PHKB: variants seen among roughly 807,000 people sequenced by gnomAD.
PHKB encodes phosphorylase kinase regulatory subunit beta, also known as phosphorylase b kinase regulatory subunit beta.
A neutral mutation model predicts 152.1 loss-of-function variants in PHKB; 122 were observed. The observed-to-expected ratio is 0.80, with a 90% CI of 0.69 to 0.93. The LOEUF is 0.93. Among genes scored for constraint, PHKB ranks in the 40% least tolerant of loss-of-function variants. PHKB has a pLI of 0.00. For missense variants in PHKB, 1,304 were observed against 1,328.4 expected, an observed-to-expected ratio of 0.98 and a Z score of 0.29; for synonymous variants, 436 against 464.9, an observed-to-expected ratio of 0.94 and a Z score of 0.80.
At chr16:47,567,246 G>C (rs986266214) in intron 7 of PHKB, among the ~76,000 whole-genome samples, 1 of 151,728 alleles carries the variant, frequency 6.6e-6, no homozygotes, top group African/African-American at 2.4e-5. Context: ...TTTTCCATTT[G>C]TGTCATCTTT....
chr16:47,513,005 A>AT (rs1970536217), intron 5 of PHKB, among the ~76,000 whole-genome samples: 1 of 152,240 alleles, frequency 6.6e-6, no homozygotes. Flanking sequence ...TTACATGAAT[A>AT]TGTAGTTTCT....
intron 5 of PHKB, among the ~76,000 whole-genome samples, 190 bp from the exon 6 acceptor site, chr16:47,515,331 T>C (rs184484861): frequency 6.6e-6 from 1 of 152,384 alleles, no homozygotes; most frequent in Admixed American, 6.5e-5. Context: ...TTTGAGAATT[T>C]AGAATTTTAC....
chr16:47,582,671 C>T (rs1404141022), intron 8 of PHKB, among the ~76,000 whole-genome samples: 2 of 152,088 alleles, frequency 1.3e-5, no homozygotes, highest in African/African-American at 2.4e-5. Context: ...TGCTCTAAGC[C>T]GAGTTAATTT....
intron 20 of PHKB, among the ~76,000 whole-genome samples, chr16:47,655,476 G>A (rs1020578602): frequency 6.6e-6 from 1 of 152,128 alleles, no homozygotes; most frequent in Non-Finnish European, 1.5e-5. Flanking sequence ...TTAATATTCT[G>A]CCATGTTGTG....
chr16:47,573,189 G>A (rs1248970795), intron 7 of PHKB, among the ~76,000 whole-genome samples: 2 of 152,182 alleles, frequency 1.3e-5, no homozygotes, highest in Non-Finnish European at 2.9e-5. Flanking sequence ...GCAGGAGAGA[G>A]CCAGCTACAG....
rs76151542 is a variant in PHKB, at chr16:47,591,878, G to A, written c.1069-1622G>A. Reference sequence around the variant, plus strand: ...TCAATCACCAAGGCTGGCAGATTTAGCCTCCTAAAAATCCTAAAATTCTGT... The same window carrying A: ...TCAATCACCAAGGCTGGCAGATTTAACCTCCTAAAAATCCTAAAATTCTGT... On this transcript the variant is annotated intron_variant, in intron 10 of 30. Coordinates refer to ENST00000323584, the MANE Select transcript of PHKB (RefSeq NM_000293.3). Among the ~76,000 whole-genome samples the A allele has an allele frequency of 2.0e-5, 3 of 152,206 alleles. No homozygotes were observed. In the East Asian group the frequency reaches 5.8e-4, roughly 29 times the overall value.
chr16:47,491,733 G>A (rs999686088), intron 1 of PHKB, among the ~76,000 whole-genome samples: 3 of 152,154 alleles, frequency 2.0e-5, no homozygotes, highest in Non-Finnish European at 4.4e-5. Flanking sequence ...AAAAATGCCA[G>A]ATAACACAAT....
chr16:47,657,512 G>A (rs189690785), intron 20 of PHKB, among the ~76,000 whole-genome samples: 1 of 152,232 alleles, frequency 6.6e-6, no homozygotes, highest in Admixed American at 6.5e-5. Context: ...GACACATACA[G>A]TATTATTTAA....
chr16:47,662,225 AATAGAATTG>A (rs1159528408), intron 23 of PHKB, among the ~76,000 whole-genome samples: 1 of 152,192 alleles, frequency 6.6e-6, no homozygotes, highest in Non-Finnish European at 1.5e-5. Flanking sequence ...CATGGCATTT[AATAGAATTG>A]TGCTCTGAAG....
Position 47,539,996 on chromosome 16 carries a change from C to T in PHKB, c.595-7437C>T, listed in dbSNP as rs143474253. Among the ~76,000 whole-genome samples the T allele has an allele frequency of 1.1e-3, 160 of 152,028 alleles. 1 individual carries two copies. Among genetic ancestry groups the T allele is most frequent in the African/African-American group, 3.3e-3 (135 of 41,472 alleles). Reference sequence around the variant, plus strand: ...CATAAGGTCTGACTGTCTGCAGGGTCGGGCAAAAAAAGCCATATTTTACTT... The same window carrying T: ...CATAAGGTCTGACTGTCTGCAGGGTTGGGCAAAAAAAGCCATATTTTACTT... On this transcript the variant is annotated intron_variant, in intron 6 of 30. Transcript: ENST00000323584.
intron 7 of PHKB, among the ~76,000 whole-genome samples, chr16:47,564,729 G>C (rs983658233): frequency 5.3e-5 from 8 of 152,076 alleles, no homozygotes; most frequent in African/African-American, 1.7e-4. Context: ...TATGATTTCA[G>C]GTTTTAGACT....
chr16:47,680,319 G>A (rs945377168), intron 26 of PHKB, among the ~76,000 whole-genome samples: 1 of 152,088 alleles, frequency 6.6e-6, no homozygotes, highest in Non-Finnish European at 1.5e-5. Flanking sequence ...TTTTTCTATT[G>A]ATTGGAATAG....
intron 14 of PHKB, among the ~76,000 whole-genome samples, chr16:47,640,650 C>T (rs982909026): frequency 3.3e-5 from 5 of 152,026 alleles, no homozygotes; most frequent in Non-Finnish European, 7.4e-5. Flanking sequence ...TTTTAACTAT[C>T]ATTTTTTTTT....
chr16:47,649,671 A>C (rs537123293), intron 18 of PHKB, among the ~76,000 whole-genome samples: 2 of 151,940 alleles, frequency 1.3e-5, no homozygotes, highest in East Asian at 3.9e-4. Context: ...ATCTGGAGCC[A>C]GACTGCATTC....
chr16:47,667,732 C>G (rs989920808), intron 25 of PHKB, among the ~76,000 whole-genome samples: 3 of 152,200 alleles, frequency 2.0e-5, no homozygotes, highest in Non-Finnish European at 4.4e-5. Context: ...AGAGTTAACT[C>G]TGCATATGAA....
At chr16:47,506,691 C>G (rs879382183) in intron 4 of PHKB, among the ~76,000 whole-genome samples, 11 of 152,130 alleles carry the variant, frequency 7.2e-5, no homozygotes, top group Non-Finnish European at 1.0e-4. Flanking sequence ...AGAAGGAAGT[C>G]TAATAATGTA....
chr16:47,639,701 T>G (rs1972983754), intron 14 of PHKB, among the ~76,000 whole-genome samples: 1 of 152,220 alleles, frequency 6.6e-6, no homozygotes, highest in South Asian at 2.1e-4. Flanking sequence ...ATAAACTGCC[T>G]TATTTATTGT....
intron 7 of PHKB, among the ~76,000 whole-genome samples, chr16:47,564,691 G>C (rs1463434514): frequency 6.6e-6 from 1 of 152,158 alleles, no homozygotes; most frequent in Non-Finnish European, 1.5e-5. Context: ...GTCCAGAAGA[G>C]TTTTTCCAGG....
intron 6 of PHKB, among the ~76,000 whole-genome samples, chr16:47,528,474 T>G (rs991822517): frequency 6.6e-6 from 1 of 152,172 alleles, no homozygotes; most frequent in African/African-American, 2.4e-5. Flanking sequence ...AGCTCCTCAA[T>G]AAATTTTATG....
Sources: allele counts gnomAD v4.1 joint callset (sites outside exome capture counted in the v4.1 genomes callset), GRCh38; gene constraint gnomAD v4.1.1; transcripts MANE v1.5; gene names NCBI Gene and HGNC (gene_info 2026-07-23, HGNC 2026-07-21).